Variants in M1AP observed in about 807,000 individuals in gnomAD.
M1AP encodes the protein meiosis 1 arrest protein.
In M1AP, 39 loss-of-function variants were observed where a neutral mutation model predicts 51.2. That is an observed-to-expected ratio of 0.76 (90% CI 0.59 to 1.00). The LOEUF is 1.00. M1AP is among the 50% of genes least tolerant of loss of function. The probability of loss-of-function intolerance (pLI) is 0.00; values close to 1 mark genes in which losing one functional copy is unlikely to be tolerated. For missense variants in M1AP, 545 were observed against 641.2 expected (o/e 0.85, Z 1.62); for synonymous variants, 251 against 249.2 (o/e 1.01, Z -0.07).
At chr2:74,627,272 T>C (rs1019054532) in intron 2 of M1AP, among the ~76,000 whole-genome samples, 2 of 152,150 alleles carry the variant, frequency 1.3e-5, no homozygotes, top group Admixed American at 6.5e-5. Flanking sequence ...ATTTTGGTTA[T>C]TGTGATGAAA....
Position 74,560,162 on chromosome 2 carries a change from C to A in M1AP, c.1411G>T (p.Ala471Ser), listed in dbSNP as rs1417846270. 5.0e-6 allele frequency: 8 copies of A among 1,613,826 alleles called. No individual in the cohort carries two copies. ...GRLHPHWESRAPRKHPCKTGQ... is the reference protein window; with the variant it reads ...GRLHPHWESRSPRKHPCKTGQ... Reference sequence around the variant, plus strand: ...GAGGGGAGCGGTACCTTTCTCGGAGCTCGGCTCTCCCAGTGTGGGTGGAGC... The same window carrying A: ...GAGGGGAGCGGTACCTTTCTCGGAGATCGGCTCTCCCAGTGTGGGTGGAGC... Residue 471 changes from alanine (A) to serine (S), a missense_variant, in exon 9 of 11, where the codon GCT becomes TCT. Physicochemically the swap from Ala to Ser is moderately conservative, Grantham distance 99 (BLOSUM62 1). Coordinates refer to ENST00000421985, the MANE Select transcript of M1AP (RefSeq NM_001321739.2).
At chr2:74,642,406 C>T (rs189472691) in intron 1 of M1AP, among the ~76,000 whole-genome samples, 83 of 152,186 alleles carry the variant, frequency 5.5e-4, no homozygotes, top group African/African-American at 1.0e-3. Flanking sequence ...TCCCAATAGA[C>T]GCAAAAAAGC....
Position 74,644,262 on chromosome 2 carries a change from G to A in M1AP, c.-52-3935C>T, listed in dbSNP as rs181522734. Among the ~76,000 whole-genome samples, 110 of 152,250 alleles carry A rather than the reference G, an allele frequency of 7.2e-4. 1 individual carries two copies. Among genetic ancestry groups the A allele is most frequent in the African/African-American group, 2.1e-3 (88 of 41,552 alleles). Reference sequence around the variant, plus strand: ...TGATCTAAGAATACATAGATAGGCCGGGCGCAGTGGCTCACGCCTGTAATC... The same window carrying A: ...TGATCTAAGAATACATAGATAGGCCAGGCGCAGTGGCTCACGCCTGTAATC... On this transcript the variant is annotated intron_variant, in intron 1 of 10. Transcript: ENST00000421985.
chr2:74,639,555 T>C (rs1034250399), intron 2 of M1AP, among the ~76,000 whole-genome samples: 3 of 152,182 alleles, frequency 2.0e-5, no homozygotes, highest in African/African-American at 7.2e-5. Context: ...CCTGAGTCTA[T>C]GTGGAATGTA....
chr2:74,611,569 T>C (rs1424758100), intron 3 of M1AP, among the ~76,000 whole-genome samples: 3 of 152,200 alleles, frequency 2.0e-5, no homozygotes, highest in Admixed American at 1.3e-4. Context: ...CTTTTTTTCT[T>C]AGTCTAGCCA....
intron 1 of M1AP, among the ~76,000 whole-genome samples, chr2:74,647,743 A>C (rs1301111652): frequency 6.6e-6 from 1 of 152,110 alleles, no homozygotes; most frequent in East Asian, 1.9e-4. Context: ...AATATAAAAA[A>C]ATTAGCCAGG....
At position 74,587,691 on chromosome 2, in the gene M1AP, AC is replaced by A. The variant is rs1679796246; in HGVS notation, c.596-5845del. 2.0e-5 allele frequency among the ~76,000 whole-genome samples: 3 copies of A among 152,098 alleles called. No individual in the cohort carries two copies. In the South Asian group the frequency reaches 6.2e-4, roughly 32 times the overall value. On this transcript the variant is annotated intron_variant, in intron 4 of 10. Transcript: ENST00000421985. The stretch of plus-strand genomic sequence containing the variant: ...TCCCTCACTGGCTGGGGAGCAGGGT[AC>A]CCATGCACTAGATGAACGGGTCACA...
At chr2:74,647,385 A>G in intron 1 of M1AP, 2 of 985,358 alleles carry the variant, frequency 2.0e-6, no homozygotes, top group Non-Finnish European at 2.4e-6. Flanking sequence ...GTCGCGTGAT[A>G]AACGATTCAA....
chr2:74,603,322 C>T (rs1680780673), intron 4 of M1AP, among the ~76,000 whole-genome samples: 1 of 152,180 alleles, frequency 6.6e-6, no homozygotes, highest in South Asian at 2.1e-4. Context: ...TGCCAAGGTG[C>T]TTACAGTTTA....
chr2:74,613,284 G>A (rs1324925585), intron 3 of M1AP, among the ~76,000 whole-genome samples: 1 of 152,148 alleles, frequency 6.6e-6, no homozygotes, highest in Non-Finnish European at 1.5e-5. Flanking sequence ...GTCTAATTCT[G>A]ATGCTTGCTG....
intron 3 of M1AP, among the ~76,000 whole-genome samples, chr2:74,611,882 GTTTTTT>G (rs1188013311): frequency 7.3e-3 from 314 of 42,878 alleles, no homozygotes; most frequent in African/African-American, 0.014. Context: ...ACAAAAAAGT[GTTTTTT>G]TTTTTTTTTT....
rs181198355 is a variant in M1AP, at chr2:74,626,866, C to T, written c.241-11717G>A. On this transcript the variant is annotated intron_variant, in intron 2 of 10. Transcript: ENST00000421985. Reference sequence around the variant, plus strand: ...ATGAACTTTAAATTGTATTCCATTACAATCTGTCTTTTCAATCTCCAGTAT... The same window carrying T: ...ATGAACTTTAAATTGTATTCCATTATAATCTGTCTTTTCAATCTCCAGTAT... Among the ~76,000 whole-genome samples the T allele has an allele frequency of 4.2e-4, 64 of 152,286 alleles. No homozygotes were observed. In the South Asian group the frequency reaches 0.012, roughly 29 times the overall value.
rs1038465404 is a variant in M1AP at position 74,610,659 on chromosome 2, T to G, written c.427-3436A>C. ...TTCGTAGTGGCAGGGTCTCACTATG[T>G]TGTCCAGGCCAGTCTTGATCCTCAA... is the stretch of plus-strand genomic sequence containing the variant. On this transcript the variant is annotated intron_variant, in intron 3 of 10. Coordinates refer to ENST00000421985, the MANE Select transcript of M1AP (RefSeq NM_001321739.2). Among the ~76,000 whole-genome samples, 4 of 152,170 alleles carry G rather than the reference T, an allele frequency of 2.6e-5. No homozygotes were observed. The South Asian group carries it at 6.2e-4, about 24-fold the overall frequency.
At chr2:74,603,888 C>A (rs373654355) in intron 4 of M1AP, among the ~76,000 whole-genome samples, 1 of 152,068 alleles carries the variant, frequency 6.6e-6, no homozygotes, top group Admixed American at 6.5e-5. Flanking sequence ...GTCATCTGCA[C>A]GCGACCAGAA....
chr2:74,570,228 G>A (rs369677455), intron 7 of M1AP, among the ~76,000 whole-genome samples: 30 of 152,064 alleles, frequency 2.0e-4, no homozygotes, highest in South Asian at 1.7e-3. Flanking sequence ...TAAAAAAAGC[G>A]TCAGGAACCT....
chr2:74,614,948 G>A lies in M1AP; in HGVS notation c.426+16C>T, dbSNP rs771179234. 1.2e-6 allele frequency: 2 copies of A among 1,612,248 alleles called. No individual in the cohort carries two copies. The highest frequency in any genetic ancestry group is 1.1e-5 in the South Asian group (1 of 91,004). On this transcript the variant is annotated intron_variant, in intron 3 of 10. Transcript: ENST00000421985. ...TCGGAACACAGCTTGGAGTCCTAAA[G>A]GCCAGCATCACTTACCTCCAGGGAG...
chr2:74,647,360 G>A (rs1043036870), intron 1 of M1AP: 1 of 985,254 alleles, frequency 1.0e-6, no homozygotes. Context: ...CCCTTTACAA[G>A]CCCTCATTCA....
chr2:74,633,073 T>A (rs1278556657), intron 2 of M1AP, among the ~76,000 whole-genome samples: 2 of 152,142 alleles, frequency 1.3e-5, no homozygotes, highest in Admixed American at 6.5e-5. Context: ...TAGGGACTGA[T>A]TCAATGAGGT....
intron 2 of M1AP, among the ~76,000 whole-genome samples, 161 bp downstream of exon 2, chr2:74,639,875 G>A (rs927009013): frequency 4.6e-5 from 7 of 152,196 alleles, no homozygotes; most frequent in Admixed American, 3.3e-4. Context: ...CCCTATATAT[G>A]CAGGATGCCC....
Sources: allele counts gnomAD v4.1 joint callset (sites outside exome capture counted in the v4.1 genomes callset), GRCh38; gene constraint gnomAD v4.1.1; transcripts MANE v1.5; gene names NCBI Gene and HGNC (gene_info 2026-07-23, HGNC 2026-07-21).